The following ECPAS variants were observed in gnomAD, a reference collection of about 807,000 sequenced individuals.
The protein encoded by ECPAS is proteasome adapter and scaffold protein ECM29.
ECPAS carries 70 observed loss-of-function variants against 255.1 expected under a neutral mutation model. That is an observed-to-expected ratio of 0.27 (90% CI 0.23 to 0.33). The LOEUF (loss-of-function observed/expected upper bound fraction) is 0.33. ECPAS is among the 10% of genes least tolerant of loss of function. ECPAS has a pLI of 1.00. For missense variants in ECPAS, 1,817 were observed against 2,206.4 expected, an observed-to-expected ratio of 0.82 and a Z score of 3.54; for synonymous variants, 784 against 775.0, an observed-to-expected ratio of 1.01 and a Z score of -0.19.
chr9:111,361,932 C>T lies in ECPAS; in HGVS notation c.*98G>A. On this transcript the variant is annotated 3_prime_UTR_variant, in exon 50 of 50. Transcript: ENST00000684092. ...TTCAGCCAAGGAATGATGCATGCTA[C>T]AGATTAATCTTTACTTTTTCCCACT... 1 of 1,378,912 alleles carries T rather than the reference C, an allele frequency of 7.3e-7. No homozygotes were observed. The highest frequency in any genetic ancestry group is 1.5e-5 in the South Asian group (1 of 67,918). 85.4% of individuals were successfully genotyped at this position (1,378,912 alleles called of 1,614,324 possible). A position where few individuals can be genotyped will look rare whatever the true frequency, so the allele number is the denominator to read the frequency against.
intron 37 of ECPAS, 50 bp from the exon 38 acceptor site, chr9:111,375,252 A>C: frequency 2.1e-6 from 3 of 1,416,966 alleles, no homozygotes; most frequent in Non-Finnish European, 3.0e-6. Context: ...ATAAGTCAGG[A>C]CCACATCTTC....
At chr9:111,468,794 T>C (rs904189649) in intron 2 of ECPAS, among the ~76,000 whole-genome samples, 1 of 150,922 alleles carries the variant, frequency 6.6e-6, no homozygotes, top group Non-Finnish European at 1.5e-5. Context: ...TTCACAAAAA[T>C]TGGAAATATC....
chr9:111,424,831 T>TG (rs2098219129), intron 12 of ECPAS, among the ~76,000 whole-genome samples: 1 of 152,164 alleles, frequency 6.6e-6, no homozygotes, highest in Admixed American at 6.5e-5. Context: ...TTTTGCACAA[T>TG]AGCTAGAAGT....
intron 1 of ECPAS, among the ~76,000 whole-genome samples, chr9:111,477,172 G>A (rs1189643878): frequency 6.6e-6 from 1 of 151,130 alleles, no homozygotes; most frequent in South Asian, 2.1e-4. Flanking sequence ...GCAGTGGTGC[G>A]TTCTCAGCTC....
Position 111,370,515 on chromosome 9 carries a change from A to T in ECPAS, c.4894T>A (p.Cys1632Ser), listed in dbSNP as rs2098126050. The stretch of plus-strand genomic sequence containing the variant: ...GTGGCCTTCAAGATATCAGCTGCAC[A>T]GCTGATTGCTACAATCTTGTATTTG... ...NVKYKIVAIS[C>S]AADILKATKE... The change falls in exon 45 of 50, where the codon TGT becomes AGT. Residue 1632 changes from cysteine (C) to serine (S), a missense_variant. By Grantham distance (112) the Cys-to-Ser change is moderately radical. Coordinates refer to ENST00000684092, the MANE Select transcript of ECPAS (RefSeq NM_001364929.1). 6 of 1,611,644 alleles carry T rather than the reference A, an allele frequency of 3.7e-6. No homozygotes were observed. The Middle Eastern group carries it at 9.9e-4, about 266-fold the overall frequency.
chr9:111,423,490 C>A (rs917639725), intron 12 of ECPAS, among the ~76,000 whole-genome samples: 2 of 152,282 alleles, frequency 1.3e-5, no homozygotes, highest in East Asian at 1.9e-4. Flanking sequence ...CATCCCCAAT[C>A]GCTCCAAAAA....
chr9:111,401,552 G>A (rs1027641418), intron 24 of ECPAS, among the ~76,000 whole-genome samples: 2 of 152,228 alleles, frequency 1.3e-5, no homozygotes, highest in Non-Finnish European at 2.9e-5. Context: ...GGGTTTGAGA[G>A]CAGACAATTA....
chr9:111,484,221 C>G lies in ECPAS; in HGVS notation c.-188G>C. 2 of 1,470,164 alleles carry G rather than the reference C, an allele frequency of 1.4e-6. No homozygotes were observed. Among genetic ancestry groups the G allele is most frequent in the Admixed American group, 2.6e-5 (1 of 38,040 alleles). 91.1% of individuals were successfully genotyped at this position (1,470,164 alleles called of 1,614,324 possible). A position where few individuals can be genotyped will look rare whatever the true frequency, so the allele number is the denominator to read the frequency against. The stretch of plus-strand genomic sequence containing the variant: ...GGCCGGGCCCCGGGGAGCCGCGCGC[C>G]GCAGTCCGTGAGGGGCTGGGCCGAG... On this transcript the variant is annotated 5_prime_UTR_variant, in exon 1 of 50. Transcript: ENST00000684092.
At chr9:111,482,107 T>C (rs1214275673) in intron 1 of ECPAS, among the ~76,000 whole-genome samples, 1 of 152,216 alleles carries the variant, frequency 6.6e-6, no homozygotes, top group African/African-American at 2.4e-5. Context: ...TTTTATGGTA[T>C]GTGTACTTTT....
At chr9:111,463,197 C>T (rs2098275287) in intron 2 of ECPAS, among the ~76,000 whole-genome samples, 1 of 152,178 alleles carries the variant, frequency 6.6e-6, no homozygotes, top group African/African-American at 2.4e-5. Context: ...GCTGATAGAG[C>T]CAACACCATC....
chr9:111,417,261 A>T (rs1213046962), intron 17 of ECPAS, among the ~76,000 whole-genome samples: 5 of 152,222 alleles, frequency 3.3e-5, no homozygotes, highest in South Asian at 2.1e-4. Flanking sequence ...AAAAAATTTT[A>T]AAAAAAGGAG....
chr9:111,483,442 G>T, intron 1 of ECPAS: 3 of 904,130 alleles, frequency 3.3e-6, no homozygotes, highest in Non-Finnish European at 4.0e-6. Flanking sequence ...GCGGCCGCCG[G>T]CCCCCGGCAC....
chr9:111,407,428 A>AAAAAAAAAAAAAAAAG lies in ECPAS; in HGVS notation c.2652+1142_2652+1143insCTTTTTTTTTTTTTTT, dbSNP rs751687233. ...GAAAAAAAAAAAAAAAAAAAAAAAAAAAAAAAAAAACCTAGAAGAAACCCA... is the reference window on the plus strand; with the variant it reads ...GAAAAAAAAAAAAAAAAAAAAAAAAAAAAAAAAAAAAAAAAGAAAAAAAAAACCTAGAAGAAACCCA... On this transcript the variant is annotated intron_variant, in intron 24 of 49. Transcript: ENST00000684092. Among the ~76,000 whole-genome samples, 904 of 98,732 alleles carry AAAAAAAAAAAAAAAAG rather than the reference A, an allele frequency of 9.2e-3. 120 individuals are homozygous for AAAAAAAAAAAAAAAAG. Among genetic ancestry groups the AAAAAAAAAAAAAAAAG allele is most frequent in the Non-Finnish European group, 0.017 (677 of 38,692 alleles). 64.8% of individuals were successfully genotyped at this position (98,732 alleles called of 152,430 possible). A position where few individuals can be genotyped will look rare whatever the true frequency, so the allele number is the denominator to read the frequency against.
chr9:111,431,767 T>C (rs2098230391), intron 8 of ECPAS, among the ~76,000 whole-genome samples: 1 of 152,190 alleles, frequency 6.6e-6, no homozygotes, highest in Non-Finnish European at 1.5e-5. Context: ...CTACTTTAAC[T>C]GCTTTTTGGA....
intron 48 of ECPAS, among the ~76,000 whole-genome samples, chr9:111,365,323 T>TCATCAC (rs903026856): frequency 6.1e-5 from 9 of 148,446 alleles, no homozygotes; most frequent in Non-Finnish European, 7.5e-5. Context: ...ATCATCATCA[T>TCATCAC]CACCTGGACT....
rs768439701 is a variant in ECPAS, at chr9:111,372,631, G to A, written c.4337-11C>T. The A allele has an allele frequency of 1.3e-6, 2 of 1,591,752 alleles. No individual in the cohort carries two copies. Among genetic ancestry groups the A allele is most frequent in the Non-Finnish European group, 1.7e-6 (2 of 1,167,312 alleles). Reference sequence around the variant, plus strand: ...TCTTGTAGATAGGTTCTGAAAAGGAGAAACCAAAATCTTTACGATATTTAT... The same window carrying A: ...TCTTGTAGATAGGTTCTGAAAAGGAAAAACCAAAATCTTTACGATATTTAT... On this transcript the variant is annotated splice_polypyrimidine_tract_variant and intron_variant, in intron 41 of 49. Transcript: ENST00000684092.
chr9:111,461,359 A>G (rs1208690484), intron 2 of ECPAS, among the ~76,000 whole-genome samples: 2 of 151,746 alleles, frequency 1.3e-5, no homozygotes, highest in Non-Finnish European at 2.9e-5. Flanking sequence ...CTGCTACTTG[A>G]GAGGCTTAGG....
At chr9:111,430,684 T>C in intron 8 of ECPAS, 56 bp from the exon 9 acceptor site, 2 of 1,180,140 alleles carry the variant, frequency 1.7e-6, no homozygotes, top group Non-Finnish European at 2.4e-6. Flanking sequence ...CCTTCAGTGA[T>C]TTCAAAAAAA....
At chr9:111,382,969 C>T (rs1342652163) in intron 35 of ECPAS, among the ~76,000 whole-genome samples, 2 of 152,168 alleles carry the variant, frequency 1.3e-5, no homozygotes, top group Non-Finnish European at 2.9e-5. Flanking sequence ...GGAAGACGTG[C>T]TTGTTGGGAG....
Sources: gnomAD v4.1 joint callset for allele counts (sites outside exome capture counted in the v4.1 genomes callset) on GRCh38, gnomAD v4.1.1 for gene constraint, MANE v1.5 for transcripts, NCBI Gene and HGNC (gene_info 2026-07-23, HGNC 2026-07-21) for gene names.